Variants in CACNA1D observed in about 807,000 individuals in gnomAD.
CACNA1D encodes the protein calcium voltage-gated channel subunit alpha1 D, also known as voltage-dependent L-type calcium channel subunit alpha-1D.
Under a neutral mutation model 257.1 loss-of-function variants are expected in CACNA1D, and 55 were observed. The observed-to-expected ratio is 0.21, with a 90% CI of 0.17 to 0.27. The LOEUF (loss-of-function observed/expected upper bound fraction) is 0.27. Ranked by LOEUF, CACNA1D falls within the 10% of genes least tolerant of loss-of-function variation. CACNA1D has a pLI of 1.00. For missense variants in CACNA1D, 1,876 were observed against 2,784.0 expected (o/e 0.67, Z 7.34); for synonymous variants, 980 against 1,014.9 (o/e 0.97, Z 0.65).
At chr3:53,596,963 A>T (rs960715715) in intron 3 of CACNA1D, among the ~76,000 whole-genome samples, 4 of 152,196 alleles carry the variant, frequency 2.6e-5, no homozygotes, top group Admixed American at 2.6e-4. Context: ...GGACCATGTG[A>T]CTTTTGGCAT....
At chr3:53,747,699 G>C (rs1229830657) in intron 26 of CACNA1D, among the ~76,000 whole-genome samples, 1 of 152,210 alleles carries the variant, frequency 6.6e-6, no homozygotes, top group Non-Finnish European at 1.5e-5. Flanking sequence ...GGCCTGAGAT[G>C]CCTCAGTCCC....
chr3:53,614,126 C>CAAG (rs2093611719), intron 3 of CACNA1D, among the ~76,000 whole-genome samples: 1 of 108,808 alleles, frequency 9.2e-6, no homozygotes, highest in Non-Finnish European at 1.9e-5. Context: ...GCCCCCAACT[C>CAAG]AAAAAAAAAA....
chr3:53,586,651 A>G (rs969807510), intron 3 of CACNA1D, among the ~76,000 whole-genome samples: 6 of 152,140 alleles, frequency 3.9e-5, no homozygotes, highest in Non-Finnish European at 8.8e-5. Context: ...ATTTTAGACT[A>G]TCTTTACTTC....
chr3:53,719,060 G>T (rs1325679007), intron 10 of CACNA1D, among the ~76,000 whole-genome samples: 35 of 152,174 alleles, frequency 2.3e-4, no homozygotes, highest in Admixed American at 2.3e-3. Flanking sequence ...TGCAGAATGT[G>T]CTGGGCACTG....
chr3:53,702,302 G>C (rs1352378825), intron 8 of CACNA1D, among the ~76,000 whole-genome samples: 2 of 152,212 alleles, frequency 1.3e-5, no homozygotes, highest in Non-Finnish European at 2.9e-5. Context: ...GCGTCTCTGA[G>C]TTCAGGCCCC....
chr3:53,750,342 TGAAA>T (rs1288026106), intron 27 of CACNA1D, among the ~76,000 whole-genome samples: 2 of 152,166 alleles, frequency 1.3e-5, no homozygotes, highest in African/African-American at 4.8e-5. Context: ...CTTGCAGCCC[TGAAA>T]GAGTCTACAA....
chr3:53,735,531 G>A (rs1163266742), intron 20 of CACNA1D, 28 bp downstream of exon 20: 2 of 1,612,812 alleles, frequency 1.2e-6, no homozygotes, highest in Non-Finnish European at 1.7e-6. Flanking sequence ...GGCTCGCTCT[G>A]GGATAGCCCT....
In CACNA1D at chr3:53,673,001, G is replaced by A. The variant is rs1392394043; in HGVS notation, c.1117-22G>A. 6.7e-7 allele frequency: 1 copy of A among 1,498,832 alleles called. No homozygotes were observed. Among genetic ancestry groups the A allele is most frequent in the Non-Finnish European group, 9.1e-7 (1 of 1,098,806 alleles). 92.8% of individuals were successfully genotyped at this position (1,498,832 alleles called of 1,614,324 possible). A position where few individuals can be genotyped will look rare whatever the true frequency, so the allele number is the denominator to read the frequency against. Reference sequence around the variant, plus strand: ...AATCCTCTTATTAACCCACTCCTATGAGACCATCTTATTTCTTGCAGATGA... The same window carrying A: ...AATCCTCTTATTAACCCACTCCTATAAGACCATCTTATTTCTTGCAGATGA... On this transcript the variant is annotated intron_variant, in intron 7 of 47. Transcript: ENST00000350061. This position sits in a 1 kb window ranked among gnomAD's most constrained non-coding sequence, Gnocchi z 4.1.
At chr3:53,663,142 T>G (rs1011620050) in intron 5 of CACNA1D, among the ~76,000 whole-genome samples, 2 of 152,202 alleles carry the variant, frequency 1.3e-5, no homozygotes, top group African/African-American at 2.4e-5. Flanking sequence ...ATCCTCTTAC[T>G]GCTCTTCCCT....
chr3:53,694,472 C>T (rs1026164865), intron 8 of CACNA1D, among the ~76,000 whole-genome samples: 2 of 152,216 alleles, frequency 1.3e-5, no homozygotes, highest in East Asian at 1.9e-4. Flanking sequence ...CCGTGAGCCA[C>T]AGCCCCACGG....
At chr3:53,727,209 G>A (rs186076331) in intron 15 of CACNA1D, among the ~76,000 whole-genome samples, 9 of 152,302 alleles carry the variant, frequency 5.9e-5, no homozygotes, top group African/African-American at 1.7e-4. Flanking sequence ...TGAGGGATGC[G>A]CTCTGGCTAA....
At chr3:53,563,392 T>TGGGCGC (rs1187086607) in intron 3 of CACNA1D, among the ~76,000 whole-genome samples, 2 of 152,044 alleles carry the variant, frequency 1.3e-5, no homozygotes, top group African/African-American at 4.8e-5. Context: ...GGCGTGGTCG[T>TGGGCGC]GGGCGCCTGT....
chr3:53,668,544 A>G (rs987054458), intron 7 of CACNA1D, among the ~76,000 whole-genome samples: 1 of 152,194 alleles, frequency 6.6e-6, no homozygotes, highest in Non-Finnish European at 1.5e-5. Context: ...CATAAACTTT[A>G]TCCCAGTCTG....
chr3:53,647,210 A>T (rs1199594151), intron 3 of CACNA1D, among the ~76,000 whole-genome samples: 1 of 152,138 alleles, frequency 6.6e-6, no homozygotes, highest in African/African-American at 2.4e-5. Context: ...GGCCCTGCCT[A>T]CTCAGGATCT....
chr3:53,512,863 G>A (rs1041763698), intron 3 of CACNA1D, among the ~76,000 whole-genome samples: 10 of 152,132 alleles, frequency 6.6e-5, no homozygotes, highest in East Asian at 1.9e-4. Flanking sequence ...TACATCTTCC[G>A]AAAGATAGTT....
intron 3 of CACNA1D, among the ~76,000 whole-genome samples, chr3:53,642,491 G>C (rs1243387124): frequency 6.6e-6 from 1 of 152,244 alleles, no homozygotes; most frequent in Non-Finnish European, 1.5e-5. Flanking sequence ...TCAGGGTGCT[G>C]TTACCCTTGG....
At chr3:53,664,978 A>G (rs2094246223) in intron 5 of CACNA1D, among the ~76,000 whole-genome samples, 1 of 152,078 alleles carries the variant, frequency 6.6e-6, no homozygotes, top group South Asian at 2.1e-4. Context: ...TTCTAACAAC[A>G]GGCTCTAGAT....
intron 9 of CACNA1D, among the ~76,000 whole-genome samples, chr3:53,717,204 G>A (rs914333748): frequency 5.9e-5 from 9 of 152,210 alleles, no homozygotes; most frequent in Non-Finnish European, 2.9e-5. Context: ...ATTCTCTTCC[G>A]TGACTTCCTC....
At chr3:53,511,175 A>G (rs986632737) in intron 3 of CACNA1D, among the ~76,000 whole-genome samples, 2 of 152,022 alleles carry the variant, frequency 1.3e-5, no homozygotes, top group African/African-American at 2.4e-5. Flanking sequence ...CGCTATTATT[A>G]TGGTGTTTAG....
Sources: allele counts gnomAD v4.1 joint callset (sites outside exome capture counted in the v4.1 genomes callset), GRCh38; gene constraint gnomAD v4.1.1; non-coding constraint Gnocchi (gnomAD v3.1); transcripts MANE v1.5; gene names NCBI Gene and HGNC (gene_info 2026-07-23, HGNC 2026-07-21).